The following PLIN3 variants were observed in gnomAD, a reference collection of about 807,000 sequenced individuals.
PLIN3 encodes perilipin-3.
Under a neutral mutation model 35.9 loss-of-function variants are expected in PLIN3, and 30 were observed. The ratio of observed to expected loss-of-function variants is 0.84; its 90% CI spans 0.62 to 1.13. The LOEUF (loss-of-function observed/expected upper bound fraction) is 1.13. PLIN3 is among the 50% of genes most tolerant of loss of function. PLIN3 has a pLI of 0.00. For missense variants in PLIN3, 603 were observed against 596.9 expected (o/e 1.01, Z -0.11); for synonymous variants, 261 against 262.5 (o/e 0.99, Z 0.06).
chr19:4,855,252 A>AAAC (rs370106598), intron 4 of PLIN3, among the ~76,000 whole-genome samples: 3 of 113,878 alleles, frequency 2.6e-5, no homozygotes, highest in Admixed American at 1.0e-4. Flanking sequence ...TCCATCTGAA[A>AAAC]AAAAAAAAAA....
chr19:4,858,133 C>T (rs1036984146), intron 4 of PLIN3, among the ~76,000 whole-genome samples: 15 of 150,030 alleles, frequency 1.0e-4, no homozygotes, highest in African/African-American at 1.5e-4. Context: ...ATTAGCTAGG[C>T]GTGGTGGCAG....
intron 4 of PLIN3, among the ~76,000 whole-genome samples, chr19:4,852,783 G>C (rs916747205): frequency 6.6e-6 from 1 of 151,920 alleles, no homozygotes; most frequent in African/African-American, 2.4e-5. Context: ...TGGGATTACA[G>C]GTGCCCGCCA....
At chr19:4,860,576 G>C (rs545964447) in intron 2 of PLIN3, among the ~76,000 whole-genome samples, 3 of 152,188 alleles carry the variant, frequency 2.0e-5, no homozygotes, top group African/African-American at 7.2e-5. Flanking sequence ...GTGGTGATAA[G>C]GGACAACAGT....
chr19:4,852,821 T>C (rs565945879), intron 4 of PLIN3, among the ~76,000 whole-genome samples: 2 of 152,062 alleles, frequency 1.3e-5, no homozygotes, highest in Admixed American at 6.6e-5. Context: ...TTTTTTGTTG[T>C]TGCTGTTGTT....
chr19:4,840,168 A>G (rs911479175), intron 7 of PLIN3, among the ~76,000 whole-genome samples: 2 of 151,632 alleles, frequency 1.3e-5, no homozygotes, highest in Non-Finnish European at 2.9e-5. Flanking sequence ...GGGTTTCACC[A>G]TGTTGGCCAG....
At chr19:4,843,535 A>AAATAAAT (rs1232158302) in intron 7 of PLIN3, among the ~76,000 whole-genome samples, 1 of 151,426 alleles carries the variant, frequency 6.6e-6, no homozygotes, top group African/African-American at 2.4e-5. Flanking sequence ...ATAAATAAAT[A>AAATAAAT]AATAATTGAT....
At chr19:4,849,011 C>A (rs2030198712) in intron 5 of PLIN3, among the ~76,000 whole-genome samples, 1 of 152,064 alleles carries the variant, frequency 6.6e-6, no homozygotes, top group Non-Finnish European at 1.5e-5. Context: ...GTTGCCCAGG[C>A]TGGAGTACAG....
intron 1 of PLIN3, among the ~76,000 whole-genome samples, chr19:4,862,170 C>T (rs1599176411): frequency 7.1e-6 from 1 of 141,406 alleles, no homozygotes; most frequent in Admixed American, 7.3e-5. Flanking sequence ...CTTGCTCTGT[C>T]GCCAGGCTGG....
intron 1 of PLIN3, among the ~76,000 whole-genome samples, chr19:4,862,241 C>T (rs1020157076): frequency 2.2e-4 from 33 of 152,112 alleles, no homozygotes; most frequent in Non-Finnish European, 2.2e-4. Flanking sequence ...AGCAATTCCC[C>T]TGCCTCAGCC....
intron 6 of PLIN3, 25 bp downstream of exon 6, chr19:4,847,666 G>C (rs2030145822): frequency 1.3e-6 from 2 of 1,562,274 alleles, no homozygotes; most frequent in Non-Finnish European, 1.7e-6. Flanking sequence ...TGCTGGCTCA[G>C]GGCCCCGACC....
At chr19:4,849,797 A>C (rs8110366) in intron 5 of PLIN3, among the ~76,000 whole-genome samples, 131,211 of 151,772 alleles carry the variant, frequency 0.86, 56,729 homozygotes, top group Admixed American at 0.91. Flanking sequence ...GGATTACAGG[A>C]ATGTGCCACC....
At chr19:4,853,751 T>G (rs1468195673) in intron 4 of PLIN3, among the ~76,000 whole-genome samples, 1 of 151,618 alleles carries the variant, frequency 6.6e-6, no homozygotes, top group East Asian at 2.0e-4. Context: ...AGGTGGAGTT[T>G]GCAGTGAGCC....
At chr19:4,859,331 G>A (rs952433395) in intron 4 of PLIN3, among the ~76,000 whole-genome samples, 4 of 152,092 alleles carry the variant, frequency 2.6e-5, no homozygotes, top group African/African-American at 7.2e-5. Flanking sequence ...AGACCAGCCC[G>A]GCCAACATGG....
In PLIN3 at chr19:4,843,812, GGCAACAGA is replaced by G. The variant is rs149890415; in HGVS notation, c.960+848_960+855del. ...GATGGCATCACTGCACTCCAGCCAG[GGCAACAGA>G]GTGAGACCCTGTCTCAAAGATAAAT... On this transcript the variant is annotated intron_variant, in intron 7 of 7. Coordinates refer to ENST00000221957, the MANE Select transcript of PLIN3 (RefSeq NM_005817.5). Among the ~76,000 whole-genome samples the G allele has an allele frequency of 7.2e-5, 11 of 152,278 alleles. No individual in the cohort carries two copies. In the East Asian group the frequency reaches 2.1e-3, roughly 29 times the overall value.
chr19:4,860,505 C>T (rs1276583951), intron 2 of PLIN3, among the ~76,000 whole-genome samples: 3 of 152,030 alleles, frequency 2.0e-5, no homozygotes, highest in South Asian at 2.1e-4. Flanking sequence ...ACTCAGCCCA[C>T]GTGCTTCCTT....
At chr19:4,855,549 T>G (rs1281827324) in intron 4 of PLIN3, among the ~76,000 whole-genome samples, 1 of 152,136 alleles carries the variant, frequency 6.6e-6, no homozygotes, top group Non-Finnish European at 1.5e-5. Flanking sequence ...CCCAGCACTT[T>G]GGGAAGCCAA....
At chr19:4,851,451 G>A (rs2030287873) in intron 5 of PLIN3, among the ~76,000 whole-genome samples, 1 of 152,086 alleles carries the variant, frequency 6.6e-6, no homozygotes, top group African/African-American at 2.4e-5. Flanking sequence ...GTGACAGGGC[G>A]AGACTCTGTC....
chr19:4,859,832 G>GT lies in PLIN3; in HGVS notation c.258_259insA (p.Pro87ThrfsTer42). 2 of 1,613,160 alleles carry GT rather than the reference G, an allele frequency of 1.2e-6. No individual in the cohort carries two copies. Among genetic ancestry groups the GT allele is most frequent in the Non-Finnish European group, 1.7e-6 (2 of 1,179,944 alleles). ...CCCCTGGGACTTCACCCACTCTGGGGCTCCAGCTTGGAGAGGATCGGCTGA... is the reference window on the plus strand; with the variant it reads ...CCCCTGGGACTTCACCCACTCTGGGGTCTCCAGCTTGGAGAGGATCGGCTGA... On this transcript the variant is annotated frameshift_variant, in exon 3 of 8. Transcript: ENST00000221957. LOFTEE classifies it high-confidence loss of function.
intron 7 of PLIN3, among the ~76,000 whole-genome samples, chr19:4,842,227 G>C (rs112984248): frequency 0.02 from 3,050 of 152,066 alleles, 85 homozygotes; most frequent in African/African-American, 0.064. Context: ...AGGAGTTCTA[G>C]ACCAGCCTGG....
Sources: allele counts gnomAD v4.1 joint callset (sites outside exome capture counted in the v4.1 genomes callset), GRCh38; gene constraint gnomAD v4.1.1; transcripts MANE v1.5; gene names NCBI Gene and HGNC (gene_info 2026-07-23, HGNC 2026-07-21).